The following EPG5 variants were observed in gnomAD, a reference collection of about 807,000 sequenced individuals.
The protein encoded by EPG5 is ectopic P granules protein 5 homolog.
A neutral mutation model predicts 302.7 loss-of-function variants in EPG5; 159 were observed. The ratio of observed to expected loss-of-function variants is 0.53; its 90% CI spans 0.46 to 0.60. The LOEUF is 0.60. Among genes scored for constraint, EPG5 ranks in the 20% least tolerant of loss-of-function variants. The probability of loss-of-function intolerance (pLI) is 0.00; values close to 1 mark genes in which losing one functional copy is unlikely to be tolerated. For synonymous variants in EPG5, 1,158 were observed against 1,136.8 expected, an observed-to-expected ratio of 1.02 and a Z score of -0.37; for missense variants, 2,896 against 3,092.4, an observed-to-expected ratio of 0.94 and a Z score of 1.51.
At chr18:45,825,573 C>T in the EPG5 span, 1 of 693,158 alleles carries the variant, frequency 1.4e-6, no homozygotes, top group East Asian at 2.7e-5. Flanking sequence ...TTCCTGTCCC[C>T]AGTTCCTCCG....
chr18:45,803,067 G>A, the EPG5 span, among the ~76,000 whole-genome samples: 3 of 152,194 alleles, frequency 2.0e-5, no homozygotes, highest in African/African-American at 2.4e-5. Flanking sequence ...TCTATAGATG[G>A]ACTGGGCATT....
At chr18:45,830,127 G>A in the EPG5 span, among the ~76,000 whole-genome samples, 2 of 103,844 alleles carry the variant, frequency 1.9e-5, no homozygotes, top group Admixed American at 9.8e-5. Context: ...TACGCCCACA[G>A]AAGATCTACA....
intron 2 of EPG5, chr18:45,953,695 TG>T: frequency 1.0e-6 from 1 of 985,366 alleles, no homozygotes; most frequent in Non-Finnish European, 1.2e-6. Context: ...GGGGGCTCTG[TG>T]TTACACATCA....
chr18:45,885,851 C>T (rs890480495), intron 29 of EPG5, among the ~76,000 whole-genome samples: 1 of 151,968 alleles, frequency 6.6e-6, no homozygotes, highest in African/African-American at 2.4e-5. Flanking sequence ...AATCGGAAAA[C>T]AAGAATCTCC....
intron 23 of EPG5, 133 bp downstream of exon 23, chr18:45,910,388 T>A: frequency 1.5e-6 from 1 of 647,774 alleles, no homozygotes; most frequent in Non-Finnish European, 2.6e-6. Flanking sequence ...CAAATCTATA[T>A]CAAAGCCACC....
At chr18:45,818,732 C>CTTTTTTTTT in the EPG5 span, among the ~76,000 whole-genome samples, 1 of 111,400 alleles carries the variant, frequency 9.0e-6, no homozygotes, top group Non-Finnish European at 1.7e-5. Context: ...TTTTGCATAA[C>CTTTTTTTTT]TTTTTTTTTT....
At chr18:45,814,595 A>G in the EPG5 span, among the ~76,000 whole-genome samples, 1 of 152,234 alleles carries the variant, frequency 6.6e-6, no homozygotes, top group Non-Finnish European at 1.5e-5. Flanking sequence ...ATATTTAGGG[A>G]TAAAGAGAAA....
intron 5 of EPG5, 102 bp downstream of exon 5, chr18:45,949,382 T>C: frequency 3.1e-6 from 2 of 638,540 alleles, no homozygotes; most frequent in Non-Finnish European, 5.3e-6. Context: ...TAAATATTAC[T>C]CTTTTTTAAA....
chr18:45,953,570 C>T, intron 2 of EPG5: 2 of 985,368 alleles, frequency 2.0e-6, no homozygotes, highest in Non-Finnish European at 2.4e-6. Flanking sequence ...TCTTCCTTGC[C>T]ATCTCTCCTA....
chr18:45,870,793 A>G, intron 35 of EPG5, 51 bp from the exon 36 acceptor site: 1 of 1,395,550 alleles, frequency 7.2e-7, no homozygotes, highest in Non-Finnish European at 9.7e-7. Context: ...TACCTTAAAA[A>G]AAAAAAAAAA....
chr18:45,828,723 C>G, the EPG5 span, among the ~76,000 whole-genome samples: 62 of 152,242 alleles, frequency 4.1e-4, no homozygotes, highest in African/African-American at 1.4e-3. Context: ...GCATCCACCT[C>G]TCCCGCACCC....
intron 25 of EPG5, among the ~76,000 whole-genome samples, chr18:45,902,472 C>T (rs1262070848): frequency 6.6e-6 from 1 of 152,024 alleles, no homozygotes; most frequent in Non-Finnish European, 1.5e-5. Flanking sequence ...AAAGAAAAAC[C>T]AAGGTATTTT....
intron 27 of EPG5, among the ~76,000 whole-genome samples, chr18:45,890,925 G>A (rs1430899934): frequency 3.3e-5 from 5 of 152,068 alleles, no homozygotes; most frequent in African/African-American, 1.2e-4. Flanking sequence ...AATGCAGGCC[G>A]GGGAGTCTGG....
At chr18:45,873,890 A>T (rs571495881) in intron 35 of EPG5, among the ~76,000 whole-genome samples, 1 of 152,344 alleles carries the variant, frequency 6.6e-6, no homozygotes, top group Non-Finnish European at 1.5e-5. Flanking sequence ...GCATAAAGAG[A>T]CTTCAATGTC....
chr18:45,908,065 T>C lies in EPG5; in HGVS notation c.4222A>G (p.Ile1408Val), dbSNP rs369984684. The change falls in exon 24 of 44, where the codon ATA becomes GTA. Residue 1408 changes from isoleucine to valine, a missense_variant. Transcript: ENST00000282041. ...KELVRLFNVY[I>V]LWLEDENFQK... ...AAATTCTCATCTTCTAGCCATAATA[T>C]ATATACATTGAAGAGCCTAAAAGAT... 4.4e-5 allele frequency: 68 copies of C among 1,537,108 alleles called. No individual in the cohort carries two copies. The East Asian group carries it at 6.6e-4, about 15-fold the overall frequency.
the EPG5 span, among the ~76,000 whole-genome samples, chr18:45,801,854 G>A: frequency 6.6e-6 from 1 of 152,200 alleles, no homozygotes; most frequent in Non-Finnish European, 1.5e-5. Context: ...ACAGCCACCA[G>A]GGGACAGCTT....
In EPG5 at chr18:45,943,247, T is replaced by A. The variant is rs543352996; in HGVS notation, c.1857A>T (p.Ser619=). The change falls in exon 9 of 44, where the codon TCA becomes TCT. Residue 619 remains serine, a synonymous_variant. Transcript: ENST00000282041. ...EMMKIFAFAN[S]LVELLAVGLE... Reference sequence around the variant, plus strand: ...ACCCCACAGCCAGAAGTTCCACTAGTGAGTTGGCAAAGGCAAAAATTTTCA... The same window carrying A: ...ACCCCACAGCCAGAAGTTCCACTAGAGAGTTGGCAAAGGCAAAAATTTTCA... 220 of 1,614,130 alleles carry A rather than the reference T, an allele frequency of 1.4e-4. No individual in the cohort carries two copies. The highest frequency in any genetic ancestry group is 1.2e-3 in the Middle Eastern group (7 of 6,062).
the EPG5 span, among the ~76,000 whole-genome samples, chr18:45,825,200 A>AAGAGAGGGATAGAGGGAGGG: frequency 1.2e-3 from 143 of 118,316 alleles, no homozygotes; most frequent in African/African-American, 4.4e-3. Context: ...GAGAGGGAGG[A>AAGAGAGGGATAGAGGGAGGG]AGAGAGGGAT....
intron 1 of EPG5, among the ~76,000 whole-genome samples, chr18:45,960,377 T>G (rs1212635755): frequency 6.6e-6 from 1 of 152,204 alleles, no homozygotes; most frequent in Admixed American, 6.5e-5. Flanking sequence ...TGTGCTCAAA[T>G]GGTCCTCCTG....
Sources: allele counts gnomAD v4.1 joint callset (sites outside exome capture counted in the v4.1 genomes callset), GRCh38; gene constraint gnomAD v4.1.1; transcripts MANE v1.5; gene names NCBI Gene and HGNC (gene_info 2026-07-23, HGNC 2026-07-21).